STK32B: variants seen among roughly 807,000 people sequenced by gnomAD.
STK32B encodes serine/threonine-protein kinase 32B.
A neutral mutation model predicts 52.6 loss-of-function variants in STK32B; 43 were observed. The ratio of observed to expected loss-of-function variants is 0.82; its 90% confidence interval spans 0.64 to 1.05. The LOEUF is 1.05. STK32B is among the 50% of genes least tolerant of loss of function. The pLI, the probability that STK32B is intolerant of heterozygous loss-of-function variation, is 0.00. For missense variants in STK32B, 621 were observed against 534.6 expected (o/e 1.16, Z -1.59); for synonymous variants, 238 against 204.3 (o/e 1.17, Z -1.41).
At chr4:5,454,599 T>C (rs6446360) in intron 7 of STK32B, among the ~76,000 whole-genome samples, 8,599 of 152,096 alleles carry the variant, frequency 0.057, 460 homozygotes, top group African/African-American at 0.14. Flanking sequence ...GCATATGAAT[T>C]TGGGGGACAC....
intron 3 of STK32B, among the ~76,000 whole-genome samples, chr4:5,169,126 C>T (rs1263426408): frequency 2.0e-5 from 3 of 152,198 alleles, no homozygotes; most frequent in Non-Finnish European, 4.4e-5. Flanking sequence ...GGTCAAGAGC[C>T]CTTGAAGACC....
chr4:5,321,595 C>T lies in STK32B; in HGVS notation c.261-9625C>T, dbSNP rs555725018. Among the ~76,000 whole-genome samples the T allele has an allele frequency of 4.9e-4, 74 of 152,314 alleles. 1 individual carries two copies. The highest frequency in any genetic ancestry group is 1.7e-3 in the African/African-American group (69 of 41,568). On this transcript the variant is annotated intron_variant, in intron 3 of 11. Coordinates refer to ENST00000282908, the MANE Select transcript of STK32B (RefSeq NM_018401.3). ...TTGTACATTTTTCCCACTATCTCCT[C>T]TATCAGTCTTACCTGTCCTTTGTCA... is the stretch of plus-strand genomic sequence containing the variant.
intron 3 of STK32B, among the ~76,000 whole-genome samples, chr4:5,314,594 C>T (rs990803597): frequency 2.6e-5 from 4 of 152,126 alleles, no homozygotes; most frequent in Non-Finnish European, 5.9e-5. Context: ...CACTTGAACC[C>T]AGGAGGCGGA....
chr4:5,316,391 A>G (rs1730746519), intron 3 of STK32B, among the ~76,000 whole-genome samples: 1 of 44,426 alleles, frequency 2.3e-5, no homozygotes, highest in Non-Finnish European at 3.1e-5. Context: ...TATATATAAT[A>G]TATTACATAT....
At chr4:5,234,745 A>C (rs1380135676) in intron 3 of STK32B, among the ~76,000 whole-genome samples, 1 of 152,268 alleles carries the variant, frequency 6.6e-6, no homozygotes, top group African/African-American at 2.4e-5. Context: ...TATTCCTATC[A>C]TCTTTGAATG....
At chr4:5,025,984 G>A in the STK32B span, among the ~76,000 whole-genome samples, 2 of 152,130 alleles carry the variant, frequency 1.3e-5, no homozygotes, top group African/African-American at 2.4e-5. Flanking sequence ...TCCCATGACC[G>A]ACACCTCTCT....
chr4:5,278,878 C>T (rs1728010983), intron 3 of STK32B, among the ~76,000 whole-genome samples: 1 of 152,140 alleles, frequency 6.6e-6, no homozygotes, highest in Non-Finnish European at 1.5e-5. Flanking sequence ...AAGCACTACA[C>T]ACTTTTAAAC....
At chr4:5,238,680 G>A (rs941857180) in intron 3 of STK32B, among the ~76,000 whole-genome samples, 1 of 152,162 alleles carries the variant, frequency 6.6e-6, no homozygotes, top group African/African-American at 2.4e-5. Context: ...ATTTAGCCGT[G>A]AAAAATACAA....
the STK32B span, among the ~76,000 whole-genome samples, chr4:5,033,786 A>G: frequency 6.6e-6 from 1 of 152,240 alleles, no homozygotes; most frequent in Non-Finnish European, 1.5e-5. Context: ...TGGAAGAGGT[A>G]GACAAGATGT....
intron 2 of STK32B, 131 bp from the exon 3 acceptor site, chr4:5,168,168 C>A: frequency 1.6e-6 from 2 of 1,216,734 alleles, no homozygotes; most frequent in Non-Finnish European, 2.3e-6. Flanking sequence ...CTTAGCAGAG[C>A]TGCTCCCCTA....
At chr4:5,393,479 C>T (rs1328143319) in intron 4 of STK32B, among the ~76,000 whole-genome samples, 1 of 152,148 alleles carries the variant, frequency 6.6e-6, no homozygotes, top group Non-Finnish European at 1.5e-5. Context: ...ACTCATGGTT[C>T]TGAAGGCAGT....
In STK32B at chr4:5,058,839, C is replaced by G. The variant is rs1404920773; in HGVS notation, c.52+6924C>G. ...GGTATCAGCTCACTGCAACCTCTGC[C>G]TCCCAGGTTCAAGCGATTCTCATGC... On this transcript the variant is annotated intron_variant, in intron 1 of 11. Coordinates refer to ENST00000282908, the MANE Select transcript of STK32B (RefSeq NM_018401.3). The surrounding 1 kb of genome is among the most constrained non-coding windows in gnomAD (Gnocchi z 4.8). Among the ~76,000 whole-genome samples the G allele has an allele frequency of 6.6e-6, 1 of 152,172 alleles. No homozygotes were observed. The highest frequency in any genetic ancestry group is 1.5e-5 in the Non-Finnish European group (1 of 68,022).
intron 3 of STK32B, among the ~76,000 whole-genome samples, chr4:5,230,555 AC>A (rs1724195606): frequency 6.6e-6 from 1 of 152,072 alleles, no homozygotes; most frequent in Non-Finnish European, 1.5e-5. Flanking sequence ...CTCTATACTC[AC>A]GAGAGTATGA....
chr4:5,063,772 C>A (rs1035075648), intron 1 of STK32B, among the ~76,000 whole-genome samples: 1 of 152,208 alleles, frequency 6.6e-6, no homozygotes. Flanking sequence ...TCAAAAGTCA[C>A]ATGTGGCTAT....
chr4:5,342,020 A>C (rs537874523), intron 4 of STK32B, among the ~76,000 whole-genome samples: 1 of 152,160 alleles, frequency 6.6e-6, no homozygotes, highest in South Asian at 2.1e-4. Context: ...GACAGGCCCC[A>C]GTGTGTGATG....
intron 6 of STK32B, 135 bp downstream of exon 6, chr4:5,417,069 T>A: frequency 2.7e-6 from 2 of 736,366 alleles, no homozygotes; most frequent in Non-Finnish European, 4.3e-6. Context: ...CAGTTCCCAG[T>A]AGATACAATG....
chr4:5,310,098 G>T (rs919277992), intron 3 of STK32B, among the ~76,000 whole-genome samples: 1 of 152,008 alleles, frequency 6.6e-6, no homozygotes. Context: ...CCCAGGAGGC[G>T]GAGACTGCAG....
chr4:5,083,055 G>A (rs2108776947), intron 1 of STK32B, among the ~76,000 whole-genome samples: 1 of 152,168 alleles, frequency 6.6e-6, no homozygotes, highest in East Asian at 1.9e-4. Context: ...CATTTTATTT[G>A]CCACTGTAAG....
intron 4 of STK32B, among the ~76,000 whole-genome samples, chr4:5,342,280 G>A (rs1733136246): frequency 6.6e-6 from 1 of 152,152 alleles, no homozygotes; most frequent in African/African-American, 2.4e-5. Flanking sequence ...ATTCACAACA[G>A]CAAAGACTTG....
Sources: gnomAD v4.1 joint callset for allele counts (sites outside exome capture counted in the v4.1 genomes callset) on GRCh38, gnomAD v4.1.1 for gene constraint, Gnocchi (gnomAD v3.1) non-coding constraint, MANE v1.5 for transcripts, NCBI Gene and HGNC (gene_info 2026-07-23, HGNC 2026-07-21) for gene names.